The following ADAM12 variants were observed in gnomAD, a reference collection of about 807,000 sequenced individuals.
The protein encoded by ADAM12 is ADAM metallopeptidase domain 12, also known as disintegrin and metalloproteinase domain-containing protein 12.
ADAM12 carries 70 observed loss-of-function variants against 106.4 expected under a neutral mutation model. The ratio of observed to expected loss-of-function variants is 0.66; its 90% CI spans 0.54 to 0.80. The LOEUF (loss-of-function observed/expected upper bound fraction) is 0.80, where lower values mean the gene tolerates loss of function less well. Among genes scored for constraint, ADAM12 ranks in the 30% least tolerant of loss-of-function variants. The pLI is 0.00. For missense variants in ADAM12, 1,010 were observed against 1,171.9 expected (o/e 0.86, Z 2.02); for synonymous variants, 420 against 433.5 (o/e 0.97, Z 0.39).
rs191145547 is a variant in ADAM12 at position 126,250,712 on chromosome 10, T to C, written c.260+28203A>G. Among the ~76,000 whole-genome samples, 1,363 of 152,304 alleles carry C rather than the reference T, an allele frequency of 8.9e-3. 9 individuals carry two copies. The highest frequency in any genetic ancestry group is 0.012 in the Non-Finnish European group (843 of 68,018). On this transcript the variant is annotated intron_variant, in intron 3 of 22. Transcript: ENST00000448723. ...TTCACATGTGTTTATTAAGAAATAATACAGGGAAAATCTCTGTCCACCTTG... is the reference window on the plus strand; with the variant it reads ...TTCACATGTGTTTATTAAGAAATAACACAGGGAAAATCTCTGTCCACCTTG...
chr10:126,112,779 A>G (rs1955894685), intron 6 of ADAM12, among the ~76,000 whole-genome samples: 1 of 151,994 alleles, frequency 6.6e-6, no homozygotes, highest in Non-Finnish European at 1.5e-5. Context: ...GGCCCTGTGT[A>G]GGGTGCTGGG....
chr10:126,035,318 C>T (rs1460359317), intron 21 of ADAM12, among the ~76,000 whole-genome samples: 2 of 152,118 alleles, frequency 1.3e-5, no homozygotes, highest in South Asian at 4.1e-4. Flanking sequence ...AGATTTACCT[C>T]TCTAGAACTT....
chr10:126,056,599 C>G (rs1954636976), intron 14 of ADAM12, among the ~76,000 whole-genome samples: 1 of 152,176 alleles, frequency 6.6e-6, no homozygotes, highest in African/African-American at 2.4e-5. Flanking sequence ...GAAGATGGAG[C>G]AGAGCCCTGT....
intron 9 of ADAM12, 71 bp from the exon 10 acceptor site, chr10:126,098,571 T>G (rs2133573525): frequency 7.7e-7 from 1 of 1,305,074 alleles, no homozygotes; most frequent in East Asian, 2.3e-5. Context: ...TTAAAAATTC[T>G]GTTGGATATT....
At chr10:126,219,074 G>A (rs1958041482) in intron 3 of ADAM12, among the ~76,000 whole-genome samples, 1 of 152,188 alleles carries the variant, frequency 6.6e-6, no homozygotes, top group South Asian at 2.1e-4. Flanking sequence ...AGAATGTGGT[G>A]CCAGGCCTGG....
chr10:126,208,581 T>TGA (rs1957839389), intron 3 of ADAM12, among the ~76,000 whole-genome samples: 1 of 152,220 alleles, frequency 6.6e-6, no homozygotes, highest in Admixed American at 6.5e-5. Context: ...AGGATTTATC[T>TGA]TTACTTTTCA....
chr10:126,116,478 C>T (rs1489196363), intron 6 of ADAM12, among the ~76,000 whole-genome samples: 1 of 151,976 alleles, frequency 6.6e-6, no homozygotes, highest in Non-Finnish European at 1.5e-5. Flanking sequence ...CGGGGAGAAG[C>T]ACAAGTTGAA....
intron 5 of ADAM12, among the ~76,000 whole-genome samples, chr10:126,134,301 C>T (rs1440240106): frequency 6.6e-6 from 1 of 152,186 alleles, no homozygotes; most frequent in Non-Finnish European, 1.5e-5. Context: ...TGTCTGCTAA[C>T]TTGGAGAGAC....
chr10:126,172,724 A>C (rs7078913), intron 3 of ADAM12, among the ~76,000 whole-genome samples: 65,616 of 152,006 alleles, frequency 0.43, 14,394 homozygotes, highest in Middle Eastern at 0.52. Context: ...CTAGAACCAG[A>C]AATGCCATTT....
intron 3 of ADAM12, among the ~76,000 whole-genome samples, chr10:126,157,706 T>C (rs1052123689): frequency 5.3e-5 from 8 of 152,236 alleles, no homozygotes; most frequent in African/African-American, 1.9e-4. Flanking sequence ...GCAGTGCACA[T>C]GTCGTGCCAG....
chr10:126,279,297 T>C (rs1030826873), intron 2 of ADAM12, among the ~76,000 whole-genome samples: 1 of 151,876 alleles, frequency 6.6e-6, no homozygotes, highest in African/African-American at 2.4e-5. Flanking sequence ...CCAGGGGTGG[T>C]AGTTTGTGCC....
chr10:126,315,105 A>G (rs950677403), intron 2 of ADAM12, among the ~76,000 whole-genome samples: 3 of 152,192 alleles, frequency 2.0e-5, no homozygotes, highest in African/African-American at 4.8e-5. Flanking sequence ...TCTTGAAAGG[A>G]GTTGCTCTGA....
intron 3 of ADAM12, among the ~76,000 whole-genome samples, chr10:126,187,326 T>TAAAAAAAA (rs10638442): frequency 6.7e-6 from 1 of 148,490 alleles, no homozygotes. Flanking sequence ...GGAAATGAAA[T>TAAAAAAAA]AAAAAAAAAA....
intron 1 of ADAM12, among the ~76,000 whole-genome samples, chr10:126,372,379 GTAGGCTGCATCC>G (rs1323260923): frequency 6.6e-6 from 1 of 152,182 alleles, no homozygotes; most frequent in Non-Finnish European, 1.5e-5. Flanking sequence ...ACCCAGGGAG[GTAGGCTGCATCC>G]TTGCTCATTG....
chr10:126,283,670 T>C (rs1959700276), intron 2 of ADAM12, among the ~76,000 whole-genome samples: 1 of 152,210 alleles, frequency 6.6e-6, no homozygotes. Flanking sequence ...TCCCTTTCTC[T>C]TGTCATTGTG....
At chr10:126,316,687 T>A (rs1405661189) in intron 2 of ADAM12, among the ~76,000 whole-genome samples, 1 of 150,052 alleles carries the variant, frequency 6.7e-6, no homozygotes, top group Non-Finnish European at 1.5e-5. Flanking sequence ...CAAAAACCTA[T>A]CTCCACAAAA....
At chr10:126,141,406 C>G (rs1004321461) in intron 4 of ADAM12, among the ~76,000 whole-genome samples, 2 of 152,168 alleles carry the variant, frequency 1.3e-5, no homozygotes, top group African/African-American at 4.8e-5. Context: ...CTATTTCTAC[C>G]AACAAAACAC....
chr10:126,046,450 T>G (rs11244790), intron 16 of ADAM12, among the ~76,000 whole-genome samples: 20,102 of 152,182 alleles, frequency 0.13, 1,419 homozygotes, highest in Middle Eastern at 0.28. Context: ...TTATGAGTTT[T>G]GTTTGGAGCT....
chr10:126,387,373 G>A (rs1163792799), intron 1 of ADAM12, among the ~76,000 whole-genome samples: 1 of 152,218 alleles, frequency 6.6e-6, no homozygotes, highest in Non-Finnish European at 1.5e-5. Context: ...CCAAGTTGAT[G>A]GGGGCGATTA....
Sources: gnomAD v4.1 joint callset for allele counts (sites outside exome capture counted in the v4.1 genomes callset) on GRCh38, gnomAD v4.1.1 for gene constraint, MANE v1.5 for transcripts, NCBI Gene and HGNC (gene_info 2026-07-23, HGNC 2026-07-21) for gene names.